LARP1: variants seen among roughly 807,000 people sequenced by gnomAD.
LARP1 encodes the protein la-related protein 1.
Under a neutral mutation model 122.7 loss-of-function variants are expected in LARP1, and 36 were observed. That is an observed-to-expected ratio of 0.29 (90% CI 0.22 to 0.39). The LOEUF (loss-of-function observed/expected upper bound fraction) is 0.39, where lower values mean the gene tolerates loss of function less well. LARP1 is among the 10% of genes least tolerant of loss of function. LARP1 has a pLI of 1.00. For synonymous variants in LARP1, 539 were observed against 528.7 expected, an observed-to-expected ratio of 1.02 and a Z score of -0.27; for missense variants, 1,040 against 1,403.6, an observed-to-expected ratio of 0.74 and a Z score of 4.14.
intron 1 of LARP1, among the ~76,000 whole-genome samples, chr5:154,760,094 C>G (rs1314163182): frequency 6.6e-6 from 1 of 152,150 alleles, no homozygotes; most frequent in Non-Finnish European, 1.5e-5. Flanking sequence ...CATGTGCCAC[C>G]ATGCCCGGCT....
chr5:154,805,657 C>T (rs1758715131), intron 14 of LARP1: 1 of 500,468 alleles, frequency 2.0e-6, no homozygotes, highest in Non-Finnish European at 3.5e-6. Flanking sequence ...GGATGAGTCT[C>T]CTAATCTCTG....
intron 16 of LARP1, among the ~76,000 whole-genome samples, chr5:154,809,396 T>A (rs964127810): frequency 4.6e-5 from 5 of 108,820 alleles, no homozygotes; most frequent in Non-Finnish European, 7.0e-5. Context: ...GTAAACTACA[T>A]GAAAAAAGAC....
chr5:154,793,103 A>T (rs2113780094), intron 4 of LARP1, among the ~76,000 whole-genome samples: 1 of 151,650 alleles, frequency 6.6e-6, no homozygotes, highest in South Asian at 2.1e-4. Context: ...TGGTATGGCA[A>T]CTCCTGAATC....
chr5:154,780,612 T>TTCTG (rs1756346380), intron 1 of LARP1, among the ~76,000 whole-genome samples: 2 of 152,204 alleles, frequency 1.3e-5, no homozygotes, highest in Admixed American at 1.3e-4. Flanking sequence ...TCCTCAGTTT[T>TTCTG]TCTGTATGTA....
chr5:154,792,850 T>C, intron 4 of LARP1, 54 bp downstream of exon 4: 1 of 1,571,046 alleles, frequency 6.4e-7, no homozygotes, highest in Non-Finnish European at 8.7e-7. Flanking sequence ...AACTGTGAAA[T>C]GTCAGGACTC....
chr5:154,798,904 G>T (rs1339966174), intron 8 of LARP1, among the ~76,000 whole-genome samples: 1 of 152,060 alleles, frequency 6.6e-6, no homozygotes, highest in Non-Finnish European at 1.5e-5. Flanking sequence ...TCGCCCTGTC[G>T]CCCAGGCTGG....
Position 154,755,399 on chromosome 5 carries a change from A to C in LARP1, c.-359A>C. Among the ~76,000 whole-genome samples, 1 of 147,386 alleles carries C rather than the reference A, an allele frequency of 6.8e-6. No individual in the cohort carries two copies. Among genetic ancestry groups the C allele is most frequent in the East Asian group, 2.1e-4 (1 of 4,790 alleles). On this transcript the variant is annotated 5_prime_UTR_variant, in exon 1 of 19. Transcript: ENST00000518297. ...TCCGTCCATATTGCTGCAGCCCCCG[A>C]GCCGGGAAGCCCGGGCCGCCCCGGG...
intron 1 of LARP1, among the ~76,000 whole-genome samples, chr5:154,740,742 TC>T (rs1163234068): frequency 6.6e-6 from 1 of 152,192 alleles, no homozygotes; most frequent in Non-Finnish European, 1.5e-5. Flanking sequence ...GATGAGCAGC[TC>T]TGAAAGGCAC....
intron 1 of LARP1, among the ~76,000 whole-genome samples, chr5:154,724,687 A>G (rs1419375089): frequency 6.9e-6 from 1 of 144,162 alleles, no homozygotes; most frequent in African/African-American, 2.6e-5. Context: ...TTTTTTTAGG[A>G]CAAGGTCTCA....
At chr5:154,723,815 C>A (rs984209551) in intron 1 of LARP1, among the ~76,000 whole-genome samples, 3 of 152,156 alleles carry the variant, frequency 2.0e-5, no homozygotes, top group African/African-American at 7.2e-5. Context: ...AATTACTCTG[C>A]CATATGGACT....
chr5:154,806,034 TAAG>T lies in LARP1; in HGVS notation c.2698+6_2698+8del, dbSNP rs1205668023. On this transcript the variant is annotated splice_donor_5th_base_variant and intron_variant, in intron 15 of 18. Transcript: ENST00000518297. The stretch of plus-strand genomic sequence containing the variant: ...AGTATCGTAGGCGCTGCCTTAATGG[TAAG>T]AAGTGTGGGGGGCAGGAGATGAGCC... The T allele has an allele frequency of 6.2e-7, 1 of 1,613,482 alleles. No homozygotes were observed. Among genetic ancestry groups the T allele is most frequent in the Non-Finnish European group, 8.5e-7 (1 of 1,179,822 alleles).
At chr5:154,791,821 G>T (rs1161554700) in intron 3 of LARP1, 1 of 367,344 alleles carries the variant, frequency 2.7e-6, no homozygotes, top group East Asian at 7.5e-5. Flanking sequence ...AAAGTCCTGT[G>T]TATAAGTGGA....
At chr5:154,786,027 A>T (rs1003024397) in intron 1 of LARP1, among the ~76,000 whole-genome samples, 2 of 152,270 alleles carry the variant, frequency 1.3e-5, no homozygotes, top group Admixed American at 1.3e-4. Context: ...CTTCTTGCAC[A>T]TAGCAATTTT....
intron 1 of LARP1, among the ~76,000 whole-genome samples, chr5:154,765,057 A>G (rs1754822548): frequency 6.6e-6 from 1 of 152,088 alleles, no homozygotes; most frequent in African/African-American, 2.4e-5. Flanking sequence ...CTCCTACTTA[A>G]AGCCCTCTGG....
rs565043005 is a variant in LARP1 at position 154,744,197 on chromosome 5, A to G, written c.205+31067A>G. 6.6e-5 allele frequency among the ~76,000 whole-genome samples: 10 copies of G among 152,278 alleles called. No homozygotes were observed. The South Asian group carries it at 1.7e-3, about 25-fold the overall frequency. ...ACCAAATGCTAAAACAATCTGCCCT[A>G]TCTCCTGCCCTCCTTTTTAATCTCA... On this transcript the variant is annotated intron_variant, in intron 1 of 18. Transcript: ENST00000336314.
chr5:154,800,884 C>T (rs1758293466), intron 10 of LARP1, among the ~76,000 whole-genome samples: 1 of 152,152 alleles, frequency 6.6e-6, no homozygotes, highest in African/African-American at 2.4e-5. Context: ...GAATTCCCCA[C>T]AGTTGTGGCT....
At chr5:154,791,449 T>C (rs1431173847) in intron 3 of LARP1, among the ~76,000 whole-genome samples, 1 of 152,152 alleles carries the variant, frequency 6.6e-6, no homozygotes, top group Non-Finnish European at 1.5e-5. Flanking sequence ...CCTCAGGTGA[T>C]CTGCCCGCCT....
chr5:154,755,594 C>G lies in LARP1; in HGVS notation c.-164C>G, dbSNP rs915980368. 10 of 987,460 alleles carry G rather than the reference C, an allele frequency of 1.0e-5. No individual in the cohort carries two copies. Among genetic ancestry groups the G allele is most frequent in the African/African-American group, 5.2e-5 (3 of 57,246 alleles). 61.2% of individuals were successfully genotyped at this position (987,460 alleles called of 1,614,324 possible). A position where few individuals can be genotyped will look rare whatever the true frequency, so the allele number is the denominator to read the frequency against. On this transcript the variant is annotated 5_prime_UTR_variant, in exon 1 of 19. It adds an upstream start codon to the 5' untranslated region. Transcript: ENST00000518297. ...GGCCTCGGATTTACGGCGGCTGCAT[C>G]TAACTGGGAGGGGGCCGCACCTCGC... is the stretch of plus-strand genomic sequence containing the variant.
At chr5:154,790,805 C>A in intron 3 of LARP1, 95 bp downstream of exon 3, 1 of 1,110,130 alleles carries the variant, frequency 9.0e-7, no homozygotes, top group Non-Finnish European at 1.4e-6. Flanking sequence ...TCTTACCTTT[C>A]TCAGTTTTCA....
Sources: allele counts gnomAD v4.1 joint callset (sites outside exome capture counted in the v4.1 genomes callset), GRCh38; gene constraint gnomAD v4.1.1; transcripts MANE v1.5; gene names NCBI Gene and HGNC (gene_info 2026-07-23, HGNC 2026-07-21).